TOPBP1: variants seen among roughly 807,000 people sequenced by gnomAD.
TOPBP1 encodes DNA topoisomerase II binding protein 1.
Under a neutral mutation model 167.7 loss-of-function variants are expected in TOPBP1, and 28 were observed. That is an observed-to-expected ratio of 0.17 (90% confidence interval 0.12 to 0.23). The LOEUF is 0.23. Ranked by LOEUF, TOPBP1 falls within the 10% of genes least tolerant of loss-of-function variation. TOPBP1 has a pLI of 1.00. For missense variants in TOPBP1, 1,554 were observed against 1,809.6 expected, an observed-to-expected ratio of 0.86 and a Z score of 2.56; for synonymous variants, 598 against 611.4, an observed-to-expected ratio of 0.98 and a Z score of 0.32.
At chr3:133,628,023 T>C (rs2107793738) in intron 16 of TOPBP1, 1 of 205,716 alleles carries the variant, frequency 4.9e-6, no homozygotes, top group African/African-American at 2.3e-5. Context: ...GATGTATTAC[T>C]ATTAATAGAC....
intron 15 of TOPBP1, 25 bp downstream of exon 15, chr3:133,628,535 C>T (rs755383788): frequency 1.2e-6 from 2 of 1,606,882 alleles, no homozygotes; most frequent in South Asian, 1.1e-5. Context: ...CTAAAACTTC[C>T]TTTTAATAAG....
rs574894403 is a variant in TOPBP1, at chr3:133,620,055, G to A, written c.3371+100C>T. On this transcript the variant is annotated intron_variant, in intron 20 of 27. Transcript: ENST00000260810. ...ATATTGGGGAAAAAAAGAAAAAAAA[G>A]CTAAATTAGGCCAAGCTCATGGAAT... 8 of 1,297,014 alleles carry A rather than the reference G, an allele frequency of 6.2e-6. No individual in the cohort carries two copies. In the African/African-American group the frequency reaches 9.0e-5, roughly 15 times the overall value. 80.3% of individuals were successfully genotyped at this position (1,297,014 alleles called of 1,614,324 possible). A position where few individuals can be genotyped will look rare whatever the true frequency, so the allele number is the denominator to read the frequency against.
chr3:133,629,552 C>T (rs979931902), intron 14 of TOPBP1, among the ~76,000 whole-genome samples: 6 of 152,050 alleles, frequency 3.9e-5, no homozygotes, highest in African/African-American at 1.2e-4. Context: ...CACAGTTAGA[C>T]CCAATTTCTT....
intron 27 of TOPBP1, among the ~76,000 whole-genome samples, chr3:133,603,247 AAT>A (rs1934372872): frequency 6.6e-6 from 1 of 152,160 alleles, no homozygotes; most frequent in Non-Finnish European, 1.5e-5. Flanking sequence ...CCAAAAGGTA[AAT>A]ATATTTTTGC....
intron 16 of TOPBP1, 30 bp from the exon 17 acceptor site, chr3:133,624,205 A>G (rs769168648): frequency 1.2e-6 from 2 of 1,605,490 alleles, no homozygotes; most frequent in South Asian, 2.2e-5. Context: ...AAAACAAATA[A>G]CCAAGAGAAA....
intron 27 of TOPBP1, among the ~76,000 whole-genome samples, chr3:133,603,358 A>G (rs1934376464): frequency 6.6e-6 from 1 of 152,212 alleles, no homozygotes; most frequent in Non-Finnish European, 1.5e-5. Context: ...GAACAAATAG[A>G]AAACAAACAG....
At chr3:133,651,567 T>C (rs975297576) in intron 8 of TOPBP1, among the ~76,000 whole-genome samples, 1 of 152,226 alleles carries the variant, frequency 6.6e-6, no homozygotes, top group African/African-American at 2.4e-5. Context: ...CAAGTCATTC[T>C]ACAAATAGGA....
chr3:133,628,099 A>G, intron 16 of TOPBP1: 1 of 387,836 alleles, frequency 2.6e-6, no homozygotes, highest in East Asian at 5.2e-5. Context: ...CCAGGTTTCT[A>G]GAATAGTTAG....
intron 12 of TOPBP1, among the ~76,000 whole-genome samples, chr3:133,642,362 T>C (rs1011090083): frequency 2.3e-5 from 3 of 131,892 alleles, no homozygotes; most frequent in Admixed American, 7.9e-5. Context: ...AGACTACATT[T>C]AGGCTTTTGC....
chr3:133,640,674 G>T (rs973185758), intron 12 of TOPBP1, among the ~76,000 whole-genome samples: 1 of 152,196 alleles, frequency 6.6e-6, no homozygotes, highest in African/African-American at 2.4e-5. Context: ...GCCTCCTAAA[G>T]TTGGGATTAC....
intron 14 of TOPBP1, among the ~76,000 whole-genome samples, chr3:133,631,798 C>T (rs1031845134): frequency 2.0e-5 from 3 of 152,108 alleles, no homozygotes; most frequent in South Asian, 2.1e-4. Context: ...CCATCACACC[C>T]GGCTCATTTT....
chr3:133,646,142 T>C (rs973909669), intron 10 of TOPBP1, among the ~76,000 whole-genome samples: 1 of 151,074 alleles, frequency 6.6e-6, no homozygotes, highest in East Asian at 1.9e-4. Flanking sequence ...CAAGACTGCA[T>C]CTCAAAAAAA....
In TOPBP1 at chr3:133,616,838, A is replaced by G; in HGVS notation, c.3847T>C (p.Tyr1283His). The G allele has an allele frequency of 1.3e-6, 2 of 1,541,210 alleles. No homozygotes were observed. The highest frequency in any genetic ancestry group is 1.3e-5 in the South Asian group (1 of 79,884). The change falls in exon 23 of 28, where the codon TAT (tyrosine) becomes CAT (histidine). Residue 1283 changes from tyrosine (Y) to histidine (H), a missense_variant. By Grantham distance (83) the Tyr-to-His change is moderately conservative. Coordinates refer to ENST00000260810, the MANE Select transcript of TOPBP1 (RefSeq NM_007027.4). ...CCTAGTTTCTCAATCAGATGACAATAGTCAATACGTTCTTGAGGATTCAGA... is the reference window on the plus strand; with the variant it reads ...CCTAGTTTCTCAATCAGATGACAATGGTCAATACGTTCTTGAGGATTCAGA... Reference protein sequence around the residue: ...SSLNPQERIDYCHLIEKLGGL... With the variant: ...SSLNPQERIDHCHLIEKLGGL...
intron 12 of TOPBP1, among the ~76,000 whole-genome samples, chr3:133,641,233 T>C (rs1238156164): frequency 6.6e-6 from 1 of 152,246 alleles, no homozygotes; most frequent in Non-Finnish European, 1.5e-5. Flanking sequence ...CTTCCTTATA[T>C]ATATTTGAAA....
chr3:133,653,155 ATTCT>A (rs1253075810), intron 7 of TOPBP1, among the ~76,000 whole-genome samples, 186 bp downstream of exon 7: 3 of 152,352 alleles, frequency 2.0e-5, no homozygotes, highest in African/African-American at 7.2e-5. Flanking sequence ...GCATTCATTC[ATTCT>A]AAAAGAAAAT....
chr3:133,606,469 C>G (rs1297276330), intron 27 of TOPBP1, among the ~76,000 whole-genome samples: 2 of 147,914 alleles, frequency 1.4e-5, no homozygotes, highest in African/African-American at 5.0e-5. Context: ...AGAGTCAGTG[C>G]AATCCTAATC....
intron 10 of TOPBP1, among the ~76,000 whole-genome samples, chr3:133,645,034 T>C (rs953768197): frequency 2.0e-5 from 3 of 152,342 alleles, no homozygotes; most frequent in Non-Finnish European, 4.4e-5. Flanking sequence ...GTAACTTGCC[T>C]AAGGTCACAC....
intron 24 of TOPBP1, 126 bp from the exon 25 acceptor site, chr3:133,611,267 C>T: frequency 1.9e-5 from 14 of 751,896 alleles, no homozygotes; most frequent in Non-Finnish European, 2.7e-5. Context: ...GTTACAAATA[C>T]AGACAGTACT....
rs75885318 is a variant in TOPBP1 at position 133,627,029 on chromosome 3, C to T, written c.2804+1333G>A. 9.3e-3 allele frequency among the ~76,000 whole-genome samples: 1,410 copies of T among 152,260 alleles called. 24 individuals carry two copies. Among genetic ancestry groups the T allele is most frequent in the African/African-American group, 0.032 (1,329 of 41,546 alleles). ...TGATGGAAGGGAACATTTGGAACAA[C>T]TTCACTTGAGAACTGCTTTACTCTA... On this transcript the variant is annotated intron_variant, in intron 16 of 27. Transcript: ENST00000260810.
Sources: allele counts gnomAD v4.1 joint callset (sites outside exome capture counted in the v4.1 genomes callset), GRCh38; gene constraint gnomAD v4.1.1; transcripts MANE v1.5; gene names NCBI Gene and HGNC (gene_info 2026-07-23, HGNC 2026-07-21).